RASGEF1A: variants seen among roughly 807,000 people sequenced by gnomAD.
The protein encoded by RASGEF1A is ras-GEF domain-containing family member 1A.
A neutral mutation model predicts 56.4 loss-of-function variants in RASGEF1A; 18 were observed. The ratio of observed to expected loss-of-function variants is 0.32; its 90% CI spans 0.22 to 0.47. The LOEUF (loss-of-function observed/expected upper bound fraction) is 0.47. Among genes scored for constraint, RASGEF1A ranks in the 20% least tolerant of loss-of-function variants. RASGEF1A has a pLI of 1.00. For missense variants in RASGEF1A, 422 were observed against 627.1 expected, an observed-to-expected ratio of 0.67 and a Z score of 3.49; for synonymous variants, 245 against 242.6, an observed-to-expected ratio of 1.01 and a Z score of -0.09.
intron 1 of RASGEF1A, among the ~76,000 whole-genome samples, chr10:43,257,137 G>T (rs1048198450): frequency 4.6e-5 from 7 of 152,198 alleles, no homozygotes; most frequent in Non-Finnish European, 8.8e-5. Context: ...TCTCTCAGGT[G>T]GGGGTGAGGG....
intron 1 of RASGEF1A, among the ~76,000 whole-genome samples, chr10:43,209,566 C>T (rs1840038321): frequency 2.0e-5 from 3 of 152,216 alleles, no homozygotes; most frequent in Non-Finnish European, 4.4e-5. Flanking sequence ...TCCTCACCCC[C>T]AGGAGCTGAT....
chr10:43,207,110 C>T, intron 1 of RASGEF1A: 1 of 985,538 alleles, frequency 1.0e-6, no homozygotes, highest in Non-Finnish European at 1.2e-6. Context: ...CTGGACGATG[C>T]AGCAACTGCC....
intron 1 of RASGEF1A, among the ~76,000 whole-genome samples, chr10:43,252,779 G>C (rs1840641782): frequency 6.6e-6 from 1 of 152,112 alleles, no homozygotes; most frequent in Non-Finnish European, 1.5e-5. Flanking sequence ...GAGGCTTGCA[G>C]GCTCCCTCTG....
intron 1 of RASGEF1A, among the ~76,000 whole-genome samples, chr10:43,250,714 C>T (rs577471191): frequency 1.3e-5 from 2 of 152,328 alleles, no homozygotes; most frequent in African/African-American, 4.8e-5. Context: ...TACATCTGCC[C>T]CTCACCTAGC....
chr10:43,236,513 T>C (rs1009872566), intron 1 of RASGEF1A, among the ~76,000 whole-genome samples: 1 of 152,210 alleles, frequency 6.6e-6, no homozygotes, highest in African/African-American at 2.4e-5. Context: ...CAGACAAGCA[T>C]CCACATACCA....
At chr10:43,202,536 C>A (rs1839917333) in intron 3 of RASGEF1A, 1 of 453,244 alleles carries the variant, frequency 2.2e-6, no homozygotes, top group Non-Finnish European at 4.4e-6. Flanking sequence ...AGGCGCCGCG[C>A]CCCCATCCTC....
chr10:43,238,263 A>AT (rs1371635065), intron 1 of RASGEF1A, among the ~76,000 whole-genome samples: 1 of 151,942 alleles, frequency 6.6e-6, no homozygotes, highest in African/African-American at 2.4e-5. Context: ...GCCGCCGCAG[A>AT]TTGAGACCTG....
At chr10:43,221,975 C>T (rs11238479) in intron 1 of RASGEF1A, among the ~76,000 whole-genome samples, 24,880 of 152,190 alleles carry the variant, frequency 0.16, 2,672 homozygotes, top group East Asian at 0.51. Flanking sequence ...CCATTCGCGA[C>T]GGGGATACCT....
At chr10:43,232,806 G>C (rs957250687) in intron 1 of RASGEF1A, among the ~76,000 whole-genome samples, 3 of 152,146 alleles carry the variant, frequency 2.0e-5, no homozygotes, top group Non-Finnish European at 4.4e-5. Flanking sequence ...CTTTATAGCA[G>C]TGTGAGAACA....
At chr10:43,220,786 A>G (rs1222351466) in intron 1 of RASGEF1A, among the ~76,000 whole-genome samples, 2 of 147,860 alleles carry the variant, frequency 1.4e-5, no homozygotes, top group Admixed American at 1.3e-4. Flanking sequence ...CTCTGTCTTA[A>G]AAAAAAAAAA....
intron 1 of RASGEF1A, among the ~76,000 whole-genome samples, chr10:43,242,795 G>A (rs951752426): frequency 7.5e-5 from 8 of 106,810 alleles, no homozygotes; most frequent in African/African-American, 2.2e-4. Context: ...GGTCTCCCGA[G>A]GTGCTGGGAT....
intron 1 of RASGEF1A, among the ~76,000 whole-genome samples, chr10:43,217,499 G>A (rs1003016323): frequency 6.6e-6 from 1 of 152,218 alleles, no homozygotes; most frequent in Non-Finnish European, 1.5e-5. Context: ...ACCAGCCACT[G>A]CCCAGCCCCT....
At chr10:43,197,851 G>A (rs960915986) in intron 10 of RASGEF1A, among the ~76,000 whole-genome samples, 153 bp downstream of exon 10, 4 of 152,082 alleles carry the variant, frequency 2.6e-5, no homozygotes, top group African/African-American at 4.8e-5. Flanking sequence ...ACAGCACCCC[G>A]TGACCCACTA....
chr10:43,200,597 G>C (rs61843255), intron 5 of RASGEF1A, 70 bp downstream of exon 5: 29 of 1,372,214 alleles, frequency 2.1e-5, no homozygotes, highest in South Asian at 2.5e-5. Flanking sequence ...GGGGCCTGAA[G>C]TGCTGTGCTG....
At position 43,196,760 on chromosome 10, in the gene RASGEF1A, C is replaced by T. The variant is rs1319076684; in HGVS notation, c.1349-212G>A. Among the ~76,000 whole-genome samples, 1 of 152,178 alleles carries T rather than the reference C, an allele frequency of 6.6e-6. No homozygotes were observed. The highest frequency in any genetic ancestry group is 2.4e-5 in the African/African-American group (1 of 41,450). On this transcript the variant is annotated intron_variant, in intron 11 of 12. Transcript: ENST00000395810. This position sits in a 1 kb window ranked among gnomAD's most constrained non-coding sequence, Gnocchi z 4.6. Reference sequence around the variant, plus strand: ...AGCACCTGACCTAAGCCCATGTGACCCTCTCCAGTGGCTGCTGGAAACTGA... The same window carrying T: ...AGCACCTGACCTAAGCCCATGTGACTCTCTCCAGTGGCTGCTGGAAACTGA...
chr10:43,255,956 CT>C (rs1382206751), intron 1 of RASGEF1A, among the ~76,000 whole-genome samples: 4 of 152,222 alleles, frequency 2.6e-5, no homozygotes, highest in African/African-American at 4.8e-5. Flanking sequence ...CCTTCCTCCC[CT>C]GGTTGCCAAC....
At chr10:43,238,511 C>T (rs1840464254) in intron 1 of RASGEF1A, among the ~76,000 whole-genome samples, 1 of 152,212 alleles carries the variant, frequency 6.6e-6, no homozygotes, top group Non-Finnish European at 1.5e-5. Flanking sequence ...CCCCAGCCTC[C>T]TTGTTCACTG....
chr10:43,205,452 C>A (rs1401442137), intron 2 of RASGEF1A, among the ~76,000 whole-genome samples: 1 of 152,094 alleles, frequency 6.6e-6, no homozygotes, highest in East Asian at 1.9e-4. Context: ...CAGGGCAGGC[C>A]GGGCCATCTC....
chr10:43,222,891 T>C (rs914761902), intron 1 of RASGEF1A, among the ~76,000 whole-genome samples: 2 of 152,200 alleles, frequency 1.3e-5, no homozygotes, highest in African/African-American at 4.8e-5. Flanking sequence ...GCCTCCAATA[T>C]TGTCCAAATT....
Sources: gnomAD v4.1 joint callset for allele counts (sites outside exome capture counted in the v4.1 genomes callset) on GRCh38, gnomAD v4.1.1 for gene constraint, Gnocchi (gnomAD v3.1) non-coding constraint, MANE v1.5 for transcripts, NCBI Gene and HGNC (gene_info 2026-07-23, HGNC 2026-07-21) for gene names.